Variants in SKA2 observed in about 807,000 individuals in gnomAD.
SKA2 encodes the protein spindle and kinetochore associated complex subunit 2, also known as spindle and kinetochore-associated protein 2.
SKA2 carries 13 observed loss-of-function variants against 16.9 expected under a neutral mutation model. The ratio of observed to expected loss-of-function variants is 0.77; its 90% CI spans 0.50 to 1.22. The LOEUF (loss-of-function observed/expected upper bound fraction) is 1.22. SKA2 is among the 50% of genes most tolerant of loss of function. SKA2 has a pLI of 0.00. For missense variants in SKA2, 107 were observed against 139.7 expected (o/e 0.77, Z 1.18); for synonymous variants, 47 against 48.5 (o/e 0.97, Z 0.13).
At position 59,113,222 on chromosome 17, in the gene SKA2, TAAGAA is replaced by T. The variant is rs376236095; in HGVS notation, c.298-882_298-878del. On this transcript the variant is annotated intron_variant, in intron 3 of 3. Coordinates refer to ENST00000330137, the MANE Select transcript of SKA2 (RefSeq NM_182620.4). Reference sequence around the variant, plus strand: ...TGGGCAGCAGAGCAAGACCTCATCTTAAGAAAAGAAAAAAGAGGCCGGACGCGGTG... The same window carrying T: ...TGGGCAGCAGAGCAAGACCTCATCTTAAGAAAAAAGAGGCCGGACGCGGTG... 7.8e-3 allele frequency among the ~76,000 whole-genome samples: 1,180 copies of T among 151,330 alleles called. 14 individuals are homozygous for T. Among genetic ancestry groups the T allele is most frequent in the African/African-American group, 0.025 (1,045 of 41,318 alleles).
At chr17:59,149,686 T>G (rs1239768875) in intron 1 of SKA2, among the ~76,000 whole-genome samples, 2 of 152,160 alleles carry the variant, frequency 1.3e-5, no homozygotes, top group Non-Finnish European at 1.5e-5. Flanking sequence ...TTTGTGATAT[T>G]CTATACAATG....
chr17:59,119,318 C>T lies in SKA2; in HGVS notation c.297+1G>A, dbSNP rs906085719. On this transcript the variant is annotated splice_donor_variant, in intron 3 of 3. Coordinates refer to ENST00000330137, the MANE Select transcript of SKA2 (RefSeq NM_182620.4). LOFTEE classifies it high-confidence loss of function. ...TCTAACCTGTCAACTGAAAGCATTA[C>T]CTCCAGGTCTGTTTGCTTCTGTAGT... The T allele has an allele frequency of 8.1e-6, 13 of 1,613,394 alleles. No homozygotes were observed. The highest frequency in any genetic ancestry group is 1.3e-5 in the African/African-American group (1 of 75,022).
chr17:59,131,148 T>G, intron 2 of SKA2, 133 bp downstream of exon 2: 1 of 603,128 alleles, frequency 1.7e-6, no homozygotes, highest in South Asian at 3.4e-5. Context: ...TCCAACACAA[T>G]GCAAGATTTT....
At chr17:59,142,123 CAT>C (rs1221210098) in intron 1 of SKA2, among the ~76,000 whole-genome samples, 2 of 152,128 alleles carry the variant, frequency 1.3e-5, no homozygotes, top group African/African-American at 4.8e-5. Context: ...TCATGACAAA[CAT>C]GTGGATACAG....
At chr17:59,153,972 A>T (rs948322392) in intron 1 of SKA2, among the ~76,000 whole-genome samples, 2 of 151,564 alleles carry the variant, frequency 1.3e-5, no homozygotes, top group African/African-American at 4.8e-5. Context: ...GAGTTTCACC[A>T]TGTTGGCCAG....
At chr17:59,127,385 ATTTCT>A (rs576003827) in intron 2 of SKA2, among the ~76,000 whole-genome samples, 9 of 152,052 alleles carry the variant, frequency 5.9e-5, no homozygotes, top group East Asian at 1.9e-4. Context: ...TTTTACTACA[ATTTCT>A]TTTCTTTTCT....
intron 1 of SKA2, among the ~76,000 whole-genome samples, chr17:59,139,459 G>A (rs1401771917): frequency 2.7e-5 from 4 of 148,870 alleles, no homozygotes; most frequent in African/African-American, 9.9e-5. Context: ...GGAGAATTAA[G>A]TATCTTAATG....
intron 2 of SKA2, among the ~76,000 whole-genome samples, chr17:59,120,154 C>T (rs1353641272): frequency 3.3e-5 from 5 of 152,056 alleles, no homozygotes; most frequent in Middle Eastern, 3.2e-3. Context: ...GTGATCCGCC[C>T]GCCTCAACCT....
chr17:59,153,235 A>C (rs1197493622), intron 1 of SKA2, among the ~76,000 whole-genome samples: 1 of 152,250 alleles, frequency 6.6e-6, no homozygotes, highest in Non-Finnish European at 1.5e-5. Flanking sequence ...TATCTATATC[A>C]GTAGGGAGGA....
chr17:59,133,403 A>G (rs1217951377), intron 1 of SKA2, among the ~76,000 whole-genome samples: 1 of 152,232 alleles, frequency 6.6e-6, no homozygotes, highest in Non-Finnish European at 1.5e-5. Context: ...TTACTACAGA[A>G]AGGAAAACAT....
At chr17:59,112,888 G>A (rs547156881) in intron 3 of SKA2, among the ~76,000 whole-genome samples, 1 of 152,130 alleles carries the variant, frequency 6.6e-6, no homozygotes, top group African/African-American at 2.4e-5. Context: ...GTTCAGTACA[G>A]ATACAACCAT....
At chr17:59,148,808 C>CAAAAAA (rs758187008) in intron 1 of SKA2, among the ~76,000 whole-genome samples, 157 of 46,988 alleles carry the variant, frequency 3.3e-3, no homozygotes, top group African/African-American at 5.0e-3. Context: ...GACCCTGTCT[C>CAAAAAA]AAAAAAAAAA....
chr17:59,120,643 A>G (rs1375497342), intron 2 of SKA2, among the ~76,000 whole-genome samples: 1 of 152,118 alleles, frequency 6.6e-6, no homozygotes, highest in African/African-American at 2.4e-5. Flanking sequence ...ATAACTGTAA[A>G]TTTTCGCAGG....
chr17:59,119,201 T>G (rs1209935413), intron 3 of SKA2, 118 bp downstream of exon 3: 8 of 1,116,476 alleles, frequency 7.2e-6, no homozygotes, highest in Non-Finnish European at 1.0e-5. Flanking sequence ...CAGGAAAATC[T>G]TTCAATAGTT....
chr17:59,125,024 A>G (rs1013145502), intron 2 of SKA2, among the ~76,000 whole-genome samples: 85 of 143,912 alleles, frequency 5.9e-4, no homozygotes, highest in Admixed American at 3.6e-3. Context: ...CCCAGGCTGG[A>G]GTGCAATGGC....
intron 2 of SKA2, among the ~76,000 whole-genome samples, chr17:59,130,923 C>T (rs2046407728): frequency 6.6e-6 from 1 of 152,166 alleles, no homozygotes; most frequent in African/African-American, 2.4e-5. Context: ...TTACCTTCCT[C>T]AGAGAATATG....
At position 59,150,996 on chromosome 17, in the gene SKA2, T is replaced by G. The variant is rs111657703; in HGVS notation, c.33+4135A>C. The stretch of plus-strand genomic sequence containing the variant: ...ATATTGTTTTTAATTAGTTAAAAGG[T>G]TTTTTTTTTTCAAATTATGACTTTC... On this transcript the variant is annotated intron_variant, in intron 1 of 3. Coordinates refer to ENST00000330137, the MANE Select transcript of SKA2 (RefSeq NM_182620.4). 2,373 of 258,604 alleles carry G rather than the reference T, an allele frequency of 9.2e-3. 45 individuals are homozygous for G. The highest frequency in any genetic ancestry group is 0.053 in the African/African-American group (2,208 of 41,588). The allele number at this position is 258,604 out of a possible 1,614,324, so 16.0% of individuals were successfully genotyped here.
chr17:59,137,737 T>C (rs776393234), intron 1 of SKA2: 2 of 519,978 alleles, frequency 3.8e-6, no homozygotes, highest in Non-Finnish European at 7.8e-6. Context: ...TTTGCTTGTT[T>C]CTGCTACATA....
At chr17:59,151,430 A>ACATG (rs2046576979) in intron 1 of SKA2, among the ~76,000 whole-genome samples, 1 of 152,238 alleles carries the variant, frequency 6.6e-6, no homozygotes, top group Non-Finnish European at 1.5e-5. Context: ...TCGAACAGAA[A>ACATG]CATGCATAGA....
Sources: allele counts gnomAD v4.1 joint callset (sites outside exome capture counted in the v4.1 genomes callset), GRCh38; gene constraint gnomAD v4.1.1; transcripts MANE v1.5; gene names NCBI Gene and HGNC (gene_info 2026-07-23, HGNC 2026-07-21).